FAM151B: variants seen among roughly 807,000 people sequenced by gnomAD.
The protein encoded by FAM151B is protein FAM151B.
In FAM151B, 24 loss-of-function variants were observed where a neutral mutation model predicts 31.2. The observed-to-expected ratio is 0.77, with a 90% confidence interval of 0.56 to 1.08. The LOEUF is 1.08. FAM151B is among the 50% of genes least tolerant of loss of function. The pLI is 0.00. For missense variants in FAM151B, 293 were observed against 328.6 expected (o/e 0.89, Z 0.84); for synonymous variants, 105 against 111.4 (o/e 0.94, Z 0.36).
At chr5:80,513,839 A>T (rs249011) in intron 3 of FAM151B, 70 bp downstream of exon 3, 665,905 of 1,392,060 alleles carry the variant, frequency 0.48, 160,815 homozygotes, top group African/African-American at 0.7. Flanking sequence ...TATTTTTTTT[A>T]ATGTTATCCA....
At position 80,513,710 on chromosome 5, in the gene FAM151B, A is replaced by G. The variant is rs761830086; in HGVS notation, c.258A>G (p.Leu86=). The G allele has an allele frequency of 1.2e-6, 2 of 1,614,084 alleles. No individual in the cohort carries two copies. Among genetic ancestry groups the G allele is most frequent in the South Asian group, 1.1e-5 (1 of 91,066 alleles). The change falls in exon 3 of 6, where the codon CTA becomes CTG. Residue 86 remains leucine, a synonymous_variant. Transcript: ENST00000282226. ...HPPETNSDNT[L]QEWLTEVMKS... is the part of the protein sequence containing the mutation. The stretch of plus-strand genomic sequence containing the variant: ...CTGAAACAAACAGTGATAATACTCT[A>G]CAGGAGTGGCTGACTGAAGTTATGA...
At chr5:80,488,194 A>G (rs1377221774) in intron 1 of FAM151B, 46 bp downstream of exon 1, 27 of 1,523,194 alleles carry the variant, frequency 1.8e-5, no homozygotes, top group Non-Finnish European at 2.4e-5. Context: ...GGGCGCTTTG[A>G]GAGGCTCCGC....
At chr5:80,503,964 G>A (rs1374522883) in intron 2 of FAM151B, among the ~76,000 whole-genome samples, 1 of 152,080 alleles carries the variant, frequency 6.6e-6, no homozygotes, top group African/African-American at 2.4e-5. Flanking sequence ...GGCTATGGAT[G>A]GAAGACTAGG....
intron 1 of FAM151B, among the ~76,000 whole-genome samples, chr5:80,491,049 G>T (rs1020381926): frequency 1.3e-5 from 2 of 151,992 alleles, no homozygotes; most frequent in Non-Finnish European, 1.5e-5. Context: ...TTGCATATTT[G>T]CGAGGTACAA....
rs913814804 is a variant in FAM151B at position 80,527,372 on chromosome 5, G to A, written c.671+5234G>A. Among the ~76,000 whole-genome samples, 12 of 151,732 alleles carry A rather than the reference G, an allele frequency of 7.9e-5. No individual in the cohort carries two copies. In the East Asian group the frequency reaches 1.4e-3, roughly 17 times the overall value. On this transcript the variant is annotated intron_variant, in intron 5 of 5. Transcript: ENST00000282226. ...TGGAAGGCAGAAGTTGTAGTGAGCC[G>A]AGGTCATGCCACTGCACTTCAGCCT...
At chr5:80,504,870 C>G (rs1743892555) in intron 2 of FAM151B, among the ~76,000 whole-genome samples, 1 of 152,142 alleles carries the variant, frequency 6.6e-6, no homozygotes, top group Non-Finnish European at 1.5e-5. Context: ...CCTACAACCC[C>G]CTTCCCCAAC....
At chr5:80,499,667 T>TTA (rs1743672180) in intron 1 of FAM151B, among the ~76,000 whole-genome samples, 1 of 151,906 alleles carries the variant, frequency 6.6e-6, no homozygotes, top group Non-Finnish European at 1.5e-5. Context: ...TCCTGCATTC[T>TTA]TATGCTTCTG....
At chr5:80,503,049 G>A (rs558741914) in intron 2 of FAM151B, among the ~76,000 whole-genome samples, 1 of 152,156 alleles carries the variant, frequency 6.6e-6, no homozygotes, top group East Asian at 1.9e-4. Context: ...TTAGAGAGTG[G>A]TTATAGTTAC....
At position 80,541,917 on chromosome 5, in the gene FAM151B, G is replaced by T. The variant is rs1358413199; in HGVS notation, c.*85G>T. On this transcript the variant is annotated 3_prime_UTR_variant, in exon 6 of 6. Transcript: ENST00000282226. ...TGAATTAATTACCATATAAATTATG[G>T]TTATTGATTGACGTTCCAAGTCATC... 7 of 1,389,896 alleles carry T rather than the reference G, an allele frequency of 5.0e-6. No homozygotes were observed. The highest frequency in any genetic ancestry group is 6.8e-6 in the Non-Finnish European group (7 of 1,029,640). 86.1% of individuals were successfully genotyped at this position (1,389,896 alleles called of 1,614,324 possible). A position where few individuals can be genotyped will look rare whatever the true frequency, so the allele number is the denominator to read the frequency against.
intron 5 of FAM151B, among the ~76,000 whole-genome samples, chr5:80,538,434 T>TTCTCTC (rs1294522504): frequency 1.7e-5 from 1 of 57,510 alleles, no homozygotes; most frequent in African/African-American, 9.4e-5. Context: ...CTTTCTTTCT[T>TTCTCTC]TCTTTCTTTC....
At chr5:80,520,335 A>G (rs771594808) in intron 4 of FAM151B, among the ~76,000 whole-genome samples, 3 of 152,060 alleles carry the variant, frequency 2.0e-5, no homozygotes, top group Non-Finnish European at 2.9e-5. Flanking sequence ...TTGATAGAGT[A>G]TAGAGTTATT....
At chr5:80,494,464 C>CTTTCTTTCTTTCTTTCTTTCT (rs1561359176) in intron 1 of FAM151B, among the ~76,000 whole-genome samples, 1 of 45,326 alleles carries the variant, frequency 2.2e-5, no homozygotes, top group African/African-American at 8.5e-5. Context: ...TCTTTTCTTT[C>CTTTCTTTCTTTCTTTCTTTCT]TTTCTTTCTT....
intron 2 of FAM151B, among the ~76,000 whole-genome samples, chr5:80,503,545 G>A (rs1012522651): frequency 6.6e-6 from 1 of 151,998 alleles, no homozygotes; most frequent in African/African-American, 2.4e-5. Flanking sequence ...CTCCAACCTA[G>A]GTGACAGAGT....
intron 5 of FAM151B, among the ~76,000 whole-genome samples, chr5:80,523,387 C>A (rs1330636640): frequency 6.6e-6 from 1 of 152,138 alleles, no homozygotes; most frequent in Non-Finnish European, 1.5e-5. Flanking sequence ...AAGCAAGACA[C>A]TCATACATTT....
intron 1 of FAM151B, chr5:80,498,821 A>G (rs1743639233): frequency 4.4e-6 from 2 of 450,326 alleles, no homozygotes; most frequent in South Asian, 3.9e-5. Context: ...TGTTGTAGTC[A>G]GACAGAGTAC....
chr5:80,540,237 T>C (rs1580466768), intron 5 of FAM151B, among the ~76,000 whole-genome samples: 1 of 152,208 alleles, frequency 6.6e-6, no homozygotes, highest in Non-Finnish European at 1.5e-5. Flanking sequence ...CCTGTTTCCT[T>C]CTCTGTCATA....
rs1413880887 is a variant in FAM151B, at chr5:80,500,511, A to G, written c.26-1281A>G. 3.9e-6 allele frequency: 3 copies of G among 760,286 alleles called. No homozygotes were observed. The East Asian group carries it at 7.3e-5, about 19-fold the overall frequency. 47.1% of individuals were successfully genotyped at this position (760,286 alleles called of 1,614,324 possible). On this transcript the variant is annotated intron_variant, in intron 1 of 5. Coordinates refer to ENST00000282226, the MANE Select transcript of FAM151B (RefSeq NM_205548.3). ...AAAGCAAAACACTGTCACAAGGAAT[A>G]TAGGCAGATATACAGAACTGAATTT... is the stretch of plus-strand genomic sequence containing the variant.
At chr5:80,513,948 C>T (rs984263714) in intron 3 of FAM151B, among the ~76,000 whole-genome samples, 179 bp downstream of exon 3, 4 of 151,404 alleles carry the variant, frequency 2.6e-5, no homozygotes, top group African/African-American at 9.7e-5. Flanking sequence ...TTTTGGAGAC[C>T]CTTAAAGGCA....
chr5:80,541,288 C>T (rs1242250930), intron 5 of FAM151B, among the ~76,000 whole-genome samples: 2 of 152,142 alleles, frequency 1.3e-5, no homozygotes, highest in African/African-American at 4.8e-5. Context: ...CAATCCCTTC[C>T]CATTGTGCTT....
Sources: allele counts gnomAD v4.1 joint callset (sites outside exome capture counted in the v4.1 genomes callset), GRCh38; gene constraint gnomAD v4.1.1; transcripts MANE v1.5; gene names NCBI Gene and HGNC (gene_info 2026-07-23, HGNC 2026-07-21).